Variants in NR3C2 observed in about 807,000 individuals in gnomAD.
NR3C2 encodes mineralocorticoid receptor.
A neutral mutation model predicts 86.4 loss-of-function variants in NR3C2; 15 were observed. The ratio of observed to expected loss-of-function variants is 0.17; its 90% CI spans 0.12 to 0.27. The LOEUF is 0.27. Ranked by LOEUF, NR3C2 falls within the 10% of genes least tolerant of loss-of-function variation. The probability of loss-of-function intolerance (pLI) is 1.00; values close to 1 mark genes in which losing one functional copy is unlikely to be tolerated. For synonymous variants in NR3C2, 458 were observed against 450.5 expected, an observed-to-expected ratio of 1.02 and a Z score of -0.21; for missense variants, 960 against 1,195.6, an observed-to-expected ratio of 0.80 and a Z score of 2.91.
chr4:148,241,885 T>C (rs79987366), intron 3 of NR3C2, among the ~76,000 whole-genome samples: 5,263 of 152,244 alleles, frequency 0.035, 314 homozygotes, highest in African/African-American at 0.12. Context: ...TAGGGAGTTA[T>C]TTTTCATCAT....
chr4:148,280,813 G>A (rs962773552), intron 2 of NR3C2, among the ~76,000 whole-genome samples: 4 of 152,226 alleles, frequency 2.6e-5, no homozygotes, highest in East Asian at 1.9e-4. Context: ...GCCTAATTCC[G>A]TTTTAGAATG....
rs113840494 is a variant in NR3C2, at chr4:148,230,720, A to G, written c.1897+29258T>C. 9.7e-3 allele frequency among the ~76,000 whole-genome samples: 1,471 copies of G among 152,326 alleles called. 19 individuals are homozygous for G. The highest frequency in any genetic ancestry group is 0.033 in the African/African-American group (1,369 of 41,568). On this transcript the variant is annotated intron_variant, in intron 3 of 8. Transcript: ENST00000358102. ...CTAAATTCTTCCTCTGTTTCATTTA[A>G]GCTTTCATGCTCAGTTATAACCATG...
chr4:148,178,435 A>G (rs2149789584), intron 4 of NR3C2, among the ~76,000 whole-genome samples: 1 of 151,884 alleles, frequency 6.6e-6, no homozygotes, highest in African/African-American at 2.4e-5. Flanking sequence ...AAATGTATGG[A>G]TAACATAAAA....
Position 148,187,017 on chromosome 4 carries a change from T to C in NR3C2, c.2014+7729A>G, listed in dbSNP as rs1735948851. Among the ~76,000 whole-genome samples, 6 of 84,788 alleles carry C rather than the reference T, an allele frequency of 7.1e-5. No homozygotes were observed. The Admixed American group carries it at 7.4e-4, about 10-fold the overall frequency. 55.6% of individuals were successfully genotyped at this position (84,788 alleles called of 152,430 possible). ...GTATGTATATATATATATATATATA[T>C]ATATATATATATATATATATATATA... On this transcript the variant is annotated intron_variant, in intron 4 of 8. Coordinates refer to ENST00000358102, the MANE Select transcript of NR3C2 (RefSeq NM_000901.5).
chr4:148,362,842 C>T (rs993397684), intron 2 of NR3C2, among the ~76,000 whole-genome samples: 10 of 152,206 alleles, frequency 6.6e-5, no homozygotes, highest in Non-Finnish European at 1.3e-4. Flanking sequence ...CTGACTTAAG[C>T]AGGGAATTGT....
intron 6 of NR3C2, among the ~76,000 whole-genome samples, chr4:148,126,424 A>C (rs1341426191): frequency 6.6e-6 from 1 of 152,218 alleles, no homozygotes; most frequent in Non-Finnish European, 1.5e-5. Context: ...TTTCAGGAAT[A>C]CAGTATTATG....
chr4:148,444,814 C>G, upstream of NR3C2: 1 of 985,006 alleles, frequency 1.0e-6, no homozygotes, highest in Non-Finnish European at 1.2e-6. Flanking sequence ...GCCCCTCTCC[C>G]GGGGCTGCGC....
intron 4 of NR3C2, among the ~76,000 whole-genome samples, chr4:148,180,134 C>T (rs370991963): frequency 1.2e-4 from 18 of 151,886 alleles, no homozygotes; most frequent in East Asian, 7.7e-4. Flanking sequence ...AGATATTAAA[C>T]CTATTCTCTT....
intron 2 of NR3C2, among the ~76,000 whole-genome samples, chr4:148,267,282 T>C (rs1156890216): frequency 4.6e-5 from 6 of 131,540 alleles, no homozygotes; most frequent in African/African-American, 1.7e-4. Context: ...ATTCTTTTTT[T>C]TTAATTTTTT....
At chr4:148,418,583 ATC>A (rs894779836) in intron 2 of NR3C2, among the ~76,000 whole-genome samples, 1 of 152,186 alleles carries the variant, frequency 6.6e-6, no homozygotes, top group African/African-American at 2.4e-5. Context: ...TCAAAATGGA[ATC>A]TCTTAGGTCA....
intron 2 of NR3C2, among the ~76,000 whole-genome samples, chr4:148,348,807 A>G (rs1350775486): frequency 6.6e-6 from 1 of 152,150 alleles, no homozygotes; most frequent in Non-Finnish European, 1.5e-5. Context: ...TCCTTCTAAT[A>G]TACAATAATC....
chr4:148,212,587 G>T (rs538815713), intron 3 of NR3C2, among the ~76,000 whole-genome samples: 18 of 152,184 alleles, frequency 1.2e-4, no homozygotes, highest in Admixed American at 1.2e-3. Context: ...GTCCCAGAGG[G>T]GTCATTAGCC....
chr4:148,113,795 C>A (rs536894988), intron 8 of NR3C2, among the ~76,000 whole-genome samples: 3 of 152,194 alleles, frequency 2.0e-5, no homozygotes, highest in African/African-American at 2.4e-5. Context: ...GGATCGAGGC[C>A]CTTTGTCATG....
chr4:148,157,682 G>A lies in NR3C2; in HGVS notation c.2015-2781C>T, dbSNP rs548697349. On this transcript the variant is annotated intron_variant, in intron 4 of 8. Transcript: ENST00000358102. ...GCTTAGGTATGTGAGAATTACTTAC[G>A]TTACAAATGTAACATTTCAATTTAT... Among the ~76,000 whole-genome samples, 10 of 152,160 alleles carry A rather than the reference G, an allele frequency of 6.6e-5. No individual in the cohort carries two copies. In the South Asian group the frequency reaches 1.5e-3, roughly 22 times the overall value.
At chr4:148,102,116 T>C (rs1731565146) in intron 8 of NR3C2, among the ~76,000 whole-genome samples, 1 of 152,204 alleles carries the variant, frequency 6.6e-6, no homozygotes. Flanking sequence ...TTTTCTGGCT[T>C]GTCCTGAATG....
At chr4:148,342,298 C>T (rs186724260) in intron 2 of NR3C2, among the ~76,000 whole-genome samples, 126 of 152,172 alleles carry the variant, frequency 8.3e-4, no homozygotes, top group African/African-American at 2.6e-3. Flanking sequence ...CACAGAATCA[C>T]GGCCCTATGT....
chr4:148,435,836 C>T lies in NR3C2; in HGVS notation c.1025G>A (p.Ser342Asn), dbSNP rs1750030664. The T allele has an allele frequency of 1.2e-6, 2 of 1,614,172 alleles. No individual in the cohort carries two copies. The highest frequency in any genetic ancestry group is 1.3e-5 in the African/African-American group (1 of 75,026). The change falls in exon 2 of 9, where the codon AGC (serine) becomes AAC (asparagine). Residue 342 changes from serine to asparagine, a missense_variant. Physicochemically the swap from Ser to Asn is conservative, Grantham distance 46. Transcript: ENST00000358102. ...SICSPVNNAF[S>N]YTASGTSAGS... ...AGCAGAGGTGCCAGAAGCAGTGTAGCTGAAGGCATTGTTTACAGGGCTACA... is the reference window on the plus strand; with the variant it reads ...AGCAGAGGTGCCAGAAGCAGTGTAGTTGAAGGCATTGTTTACAGGGCTACA...
At chr4:148,261,060 A>C (rs1740073194) in intron 2 of NR3C2, among the ~76,000 whole-genome samples, 1 of 152,238 alleles carries the variant, frequency 6.6e-6, no homozygotes, top group Non-Finnish European at 1.5e-5. Context: ...AGATACCAAG[A>C]GAAAAAATAC....
chr4:148,336,084 CAGAGAGTCAG>C (rs554775293), intron 2 of NR3C2, among the ~76,000 whole-genome samples: 1 of 152,170 alleles, frequency 6.6e-6, no homozygotes, highest in Non-Finnish European at 1.5e-5. Context: ...GATAGTGTCT[CAGAGAGTCAG>C]AGAGAGCCGT....
Sources: gnomAD v4.1 joint callset for allele counts (sites outside exome capture counted in the v4.1 genomes callset) on GRCh38, gnomAD v4.1.1 for gene constraint, MANE v1.5 for transcripts, NCBI Gene and HGNC (gene_info 2026-07-23, HGNC 2026-07-21) for gene names.